FTO: variants seen among roughly 807,000 people sequenced by gnomAD.
FTO encodes alpha-ketoglutarate-dependent dioxygenase FTO.
In FTO, 47 loss-of-function variants were observed where a neutral mutation model predicts 63.9. That is an observed-to-expected ratio of 0.74 (90% confidence interval 0.58 to 0.94). The LOEUF (loss-of-function observed/expected upper bound fraction) is 0.94, where lower values mean the gene tolerates loss of function less well. Ranked by LOEUF, FTO falls within the 40% of genes least tolerant of loss-of-function variation. FTO has a pLI of 0.00. For synonymous variants in FTO, 207 were observed against 224.4 expected, an observed-to-expected ratio of 0.92 and a Z score of 0.69; for missense variants, 562 against 618.1, an observed-to-expected ratio of 0.91 and a Z score of 0.96.
chr16:54,047,047 G>A lies in FTO; in HGVS notation c.1365-64715G>A, dbSNP rs1161990392. 2.7e-5 allele frequency among the ~76,000 whole-genome samples: 4 copies of A among 147,678 alleles called. No individual in the cohort carries two copies. In the East Asian group the frequency reaches 6.2e-4, roughly 23 times the overall value. On this transcript the variant is annotated intron_variant, in intron 8 of 8. Coordinates refer to ENST00000471389, the MANE Select transcript of FTO (RefSeq NM_001080432.3). ...AGGCATTACCATTCAGGACATAGGCGTAGGCAAGGACTTCATGTCCAAAAC... is the reference window on the plus strand; with the variant it reads ...AGGCATTACCATTCAGGACATAGGCATAGGCAAGGACTTCATGTCCAAAAC...
At chr16:54,057,610 C>T (rs62034108) in intron 8 of FTO, among the ~76,000 whole-genome samples, 5,864 of 151,890 alleles carry the variant, frequency 0.039, 150 homozygotes, top group Middle Eastern at 0.12. Flanking sequence ...ACTATGGGCA[C>T]GGGCCACCAC....
intron 7 of FTO, among the ~76,000 whole-genome samples, chr16:53,907,193 T>C (rs1273434416): frequency 7.9e-5 from 12 of 152,162 alleles, no homozygotes; most frequent in Admixed American, 5.9e-4. Context: ...TTGAAAATAT[T>C]GTTAAGTTGA....
chr16:53,910,362 A>T (rs1159030438), intron 7 of FTO, among the ~76,000 whole-genome samples: 2 of 152,120 alleles, frequency 1.3e-5, no homozygotes, highest in Non-Finnish European at 2.9e-5. Flanking sequence ...TGAGTAGGAA[A>T]GTGATCCAAT....
At chr16:54,056,779 G>C (rs550835171) in intron 8 of FTO, among the ~76,000 whole-genome samples, 1 of 152,146 alleles carries the variant, frequency 6.6e-6, no homozygotes, top group Non-Finnish European at 1.5e-5. Flanking sequence ...CCTAAAACCA[G>C]AGCCATCAGC....
intron 7 of FTO, among the ~76,000 whole-genome samples, chr16:53,912,752 C>T (rs909066025): frequency 7.9e-5 from 12 of 152,170 alleles, no homozygotes; most frequent in Non-Finnish European, 1.3e-4. Flanking sequence ...ATTTGTTCTG[C>T]GATTCCACCT....
At chr16:54,079,826 TCAAG>T (rs1206069107) in intron 8 of FTO, among the ~76,000 whole-genome samples, 1 of 152,230 alleles carries the variant, frequency 6.6e-6, no homozygotes, top group African/African-American at 2.4e-5. Flanking sequence ...TTCCCATTTT[TCAAG>T]CAGAGTCAAA....
Position 53,810,188 on chromosome 16 carries a change from A to T in FTO, c.94A>T (p.Thr32Ser), listed in dbSNP as rs373028121. Residue 32 changes from threonine to serine, a missense_variant, in exon 2 of 9, where the codon ACC becomes TCC. Thr to Ser is a moderately conservative substitution (Grantham distance 58, BLOSUM62 1). Coordinates refer to ENST00000471389, the MANE Select transcript of FTO (RefSeq NM_001080432.3). ...ELEDTWLPYL[T>S]PKDDEFYQQW... ...TGAAGACACTTGGCTCCCTTATCTG[A>T]CCCCCAAAGATGATGAATTCTATCA... The T allele has an allele frequency of 2.5e-6, 4 of 1,610,262 alleles. No individual in the cohort carries two copies. In the African/African-American group the frequency reaches 5.3e-5, roughly 22 times the overall value.
intron 3 of FTO, among the ~76,000 whole-genome samples, chr16:53,831,627 C>T (rs2079148706): frequency 6.6e-6 from 1 of 152,118 alleles, no homozygotes; most frequent in South Asian, 2.1e-4. Flanking sequence ...AGCTCACATT[C>T]TAGCAAGGGA....
At position 54,012,831 on chromosome 16, in the gene FTO, G is replaced by GA. The variant is rs374710361; in HGVS notation, c.1364+78735dup. On this transcript the variant is annotated intron_variant, in intron 8 of 8. Transcript: ENST00000471389. ...GCCCATTGTTGAGACCTCCTTCTCA[G>GA]AAAAAAAAAAAAAGATTCCTTTCAA... 3.7e-3 allele frequency among the ~76,000 whole-genome samples: 514 copies of GA among 139,710 alleles called. 1 individual carries two copies. Among genetic ancestry groups the GA allele is most frequent in the African/African-American group, 8.7e-3 (333 of 38,072 alleles). The allele number at this position is 139,710 out of a possible 152,430, so 91.7% of individuals were successfully genotyped here. A position where few individuals can be genotyped will look rare whatever the true frequency, so the allele number is the denominator to read the frequency against.
intron 4 of FTO, among the ~76,000 whole-genome samples, chr16:53,863,927 A>C (rs2080240541): frequency 6.6e-6 from 1 of 152,198 alleles, no homozygotes; most frequent in East Asian, 1.9e-4. Flanking sequence ...CACTTCTGGC[A>C]TATTGAGCAC....
chr16:53,940,912 C>G (rs997137668), intron 8 of FTO, among the ~76,000 whole-genome samples: 2 of 152,150 alleles, frequency 1.3e-5, no homozygotes, highest in Admixed American at 1.3e-4. Flanking sequence ...CACCTACCCC[C>G]AGAATGGATC....
chr16:53,795,472 CGTGT>C (rs151115931), intron 1 of FTO, among the ~76,000 whole-genome samples: 4 of 150,590 alleles, frequency 2.7e-5, no homozygotes, highest in South Asian at 2.1e-4. Flanking sequence ...TGTGTGCGTG[CGTGT>C]GTGTGTGTGT....
Position 54,038,012 on chromosome 16 carries a change from G to A in FTO, c.1365-73750G>A, listed in dbSNP as rs965592791. On this transcript the variant is annotated intron_variant, in intron 8 of 8. Coordinates refer to ENST00000471389, the MANE Select transcript of FTO (RefSeq NM_001080432.3). ...AGCTACCTGAACCTGTATACCTAATGTTCTTGTGCAGGAAGGTGAACTTTC... is the reference window on the plus strand; with the variant it reads ...AGCTACCTGAACCTGTATACCTAATATTCTTGTGCAGGAAGGTGAACTTTC... Among the ~76,000 whole-genome samples the A allele has an allele frequency of 2.6e-5, 4 of 152,170 alleles. 1 individual carries two copies. The highest frequency in any genetic ancestry group is 9.7e-5 in the African/African-American group (4 of 41,426).
intron 1 of FTO, among the ~76,000 whole-genome samples, chr16:53,720,464 A>G (rs1336001405): frequency 6.6e-6 from 1 of 151,742 alleles, no homozygotes; most frequent in East Asian, 1.9e-4. Context: ...ACAGAAACTT[A>G]TTTTGAAATA....
chr16:54,097,626 T>C (rs1306505364), intron 8 of FTO, among the ~76,000 whole-genome samples: 1 of 152,224 alleles, frequency 6.6e-6, no homozygotes, highest in East Asian at 1.9e-4. Context: ...CTCCACAGTA[T>C]TTATTGCTGC....
rs546761928 is a variant in FTO at position 54,113,687 on chromosome 16, C to T, written c.*1772C>T. On this transcript the variant is annotated 3_prime_UTR_variant, in exon 9 of 9. Transcript: ENST00000471389. ...CACAGATGGGGCACCCTCGGGCCAT[C>T]CAGCCCAGTGTTTTCTTTAGCCCCT... The T allele has an allele frequency of 1.3e-5, 2 of 152,296 alleles. No individual in the cohort carries two copies. Among genetic ancestry groups the T allele is most frequent in the Admixed American group, 6.5e-5 (1 of 15,298 alleles). The allele number at this position is 152,296 out of a possible 1,614,324, so 9.4% of individuals were successfully genotyped here.
intron 8 of FTO, among the ~76,000 whole-genome samples, chr16:53,964,053 T>C (rs1004353544): frequency 1.3e-5 from 2 of 152,196 alleles, no homozygotes; most frequent in South Asian, 4.1e-4. Context: ...GCGCCCGGCC[T>C]ACCAATGTAT....
At chr16:54,076,458 G>T (rs950619597) in intron 8 of FTO, among the ~76,000 whole-genome samples, 12 of 152,168 alleles carry the variant, frequency 7.9e-5, no homozygotes, top group Admixed American at 6.5e-4. Context: ...ACAGGGAAAA[G>T]AATAGCAGGA....
intron 8 of FTO, among the ~76,000 whole-genome samples, chr16:54,028,673 G>A (rs1034561629): frequency 5.9e-5 from 9 of 152,046 alleles, no homozygotes; most frequent in African/African-American, 2.2e-4. Context: ...AGTTTGATTA[G>A]ATAAATGAAA....
Sources: allele counts gnomAD v4.1 joint callset (sites outside exome capture counted in the v4.1 genomes callset), GRCh38; gene constraint gnomAD v4.1.1; transcripts MANE v1.5; gene names NCBI Gene and HGNC (gene_info 2026-07-23, HGNC 2026-07-21).